Variants in ACOXL observed in about 807,000 individuals in gnomAD.
ACOXL encodes acyl-coenzyme A oxidase-like protein.
A neutral mutation model predicts 71.9 loss-of-function variants in ACOXL; 70 were observed. The ratio of observed to expected loss-of-function variants is 0.97; its 90% CI spans 0.80 to 1.19. The LOEUF (loss-of-function observed/expected upper bound fraction) is 1.19. ACOXL is among the 50% of genes most tolerant of loss of function. The pLI, the probability that ACOXL is intolerant of heterozygous loss-of-function variation, is 0.00. For missense variants in ACOXL, 703 were observed against 736.3 expected, an observed-to-expected ratio of 0.95 and a Z score of 0.52; for synonymous variants, 253 against 281.6, an observed-to-expected ratio of 0.90 and a Z score of 1.02.
intron 7 of ACOXL, among the ~76,000 whole-genome samples, chr2:110,799,779 A>T (rs192545756): frequency 4.8e-4 from 73 of 152,322 alleles, no homozygotes; most frequent in Admixed American, 1.1e-3. Flanking sequence ...GTAGCTAGCA[A>T]GGGGATTGTA....
At chr2:111,005,965 T>C (rs1165669189) in intron 14 of ACOXL, among the ~76,000 whole-genome samples, 1 of 152,150 alleles carries the variant, frequency 6.6e-6, no homozygotes, top group Non-Finnish European at 1.5e-5. Flanking sequence ...GTTTGTTACG[T>C]TTTTAAAAAC....
At chr2:111,040,584 C>T (rs560921970) in intron 15 of ACOXL, among the ~76,000 whole-genome samples, 1 of 152,260 alleles carries the variant, frequency 6.6e-6, no homozygotes, top group South Asian at 2.1e-4. Context: ...GATGAGAGCC[C>T]CCATAGACTA....
intron 11 of ACOXL, among the ~76,000 whole-genome samples, chr2:110,915,837 T>A (rs1347287907): frequency 6.6e-6 from 1 of 152,124 alleles, no homozygotes; most frequent in East Asian, 1.9e-4. Flanking sequence ...TGCTTGAAAT[T>A]TCCTTGGAAG....
intron 16 of ACOXL, among the ~76,000 whole-genome samples, chr2:111,070,792 A>G (rs1178784392): frequency 1.3e-5 from 2 of 152,008 alleles, no homozygotes; most frequent in Non-Finnish European, 2.9e-5. Context: ...GCTATGTTTC[A>G]TCTTTTCAGT....
intron 11 of ACOXL, among the ~76,000 whole-genome samples, chr2:110,923,171 G>A (rs1183744636): frequency 1.3e-5 from 2 of 152,106 alleles, no homozygotes; most frequent in African/African-American, 2.4e-5. Context: ...CACATTCTGC[G>A]ACAACGTTCT....
chr2:110,842,338 CTAT>C (rs1691276483), intron 10 of ACOXL, among the ~76,000 whole-genome samples: 2 of 152,072 alleles, frequency 1.3e-5, no homozygotes, highest in African/African-American at 4.8e-5. Context: ...TTCTGGAGAC[CTAT>C]GAAAGAAACT....
At chr2:111,015,559 A>G (rs977858842) in intron 14 of ACOXL, among the ~76,000 whole-genome samples, 7 of 152,220 alleles carry the variant, frequency 4.6e-5, no homozygotes, top group Non-Finnish European at 1.0e-4. Flanking sequence ...ACAGAGTGGC[A>G]GTTTCTTATA....
chr2:110,839,488 T>C (rs1690872393), intron 9 of ACOXL, among the ~76,000 whole-genome samples: 1 of 152,230 alleles, frequency 6.6e-6, no homozygotes, highest in Admixed American at 6.5e-5. Flanking sequence ...AATTTACTCC[T>C]AGTTGAGATA....
intron 1 of ACOXL, among the ~76,000 whole-genome samples, chr2:110,752,369 A>G (rs1679099286): frequency 6.6e-6 from 1 of 152,076 alleles, no homozygotes; most frequent in African/African-American, 2.4e-5. Flanking sequence ...TTATAGTCCC[A>G]ACTACTTGGG....
chr2:111,107,735 G>C (rs149566971), intron 17 of ACOXL, among the ~76,000 whole-genome samples: 2 of 152,204 alleles, frequency 1.3e-5, no homozygotes, highest in Non-Finnish European at 1.5e-5. Context: ...TGATCTGCCC[G>C]CCTTGGCTTC....
chr2:110,862,627 C>G (rs1359662796), intron 10 of ACOXL, among the ~76,000 whole-genome samples: 8 of 152,194 alleles, frequency 5.3e-5, no homozygotes, highest in Non-Finnish European at 1.0e-4. Flanking sequence ...TGGGCGGAAG[C>G]CCAGAGGGAT....
At chr2:111,026,288 T>A (rs1280779541) in intron 14 of ACOXL, among the ~76,000 whole-genome samples, 2 of 152,156 alleles carry the variant, frequency 1.3e-5, no homozygotes, top group African/African-American at 4.8e-5. Flanking sequence ...TGTATGGTTC[T>A]ACCATACTCA....
chr2:111,107,780 G>A (rs1424261658), intron 17 of ACOXL, among the ~76,000 whole-genome samples: 5 of 152,318 alleles, frequency 3.3e-5, no homozygotes, highest in South Asian at 4.1e-4. Flanking sequence ...GAGTCACCAC[G>A]CCCGGCCTTT....
intron 3 of ACOXL, among the ~76,000 whole-genome samples, chr2:110,793,328 A>G (rs1205500585): frequency 1.3e-5 from 2 of 152,208 alleles, no homozygotes; most frequent in African/African-American, 4.8e-5. Context: ...TGTCTTCTGC[A>G]TCAGGACCTA....
rs2070476190 is a variant in ACOXL, at chr2:111,118,022, C to G, written c.*206C>G. Reference sequence around the variant, plus strand: ...GAGATCCAGACGGTCGCCTGGTGCGCTGGATCCCTGTGCCCTTTCCCTGAA... The same window carrying G: ...GAGATCCAGACGGTCGCCTGGTGCGGTGGATCCCTGTGCCCTTTCCCTGAA... On this transcript the variant is annotated 3_prime_UTR_variant, in exon 18 of 18. Coordinates refer to ENST00000439055, the MANE Select transcript of ACOXL (RefSeq NM_001142807.4). The G allele has an allele frequency of 1.6e-6, 1 of 633,624 alleles. No homozygotes were observed. The highest frequency in any genetic ancestry group is 2.7e-6 in the Non-Finnish European group (1 of 369,194). The allele number at this position is 633,624 out of a possible 1,614,324, so 39.3% of individuals were successfully genotyped here. A position where few individuals can be genotyped will look rare whatever the true frequency, so the allele number is the denominator to read the frequency against.
intron 12 of ACOXL, among the ~76,000 whole-genome samples, chr2:110,972,649 GCACACACACACA>G (rs56400982): frequency 2.7e-5 from 4 of 149,920 alleles, no homozygotes; most frequent in Non-Finnish European, 1.5e-5. Flanking sequence ...ACACACACGT[GCACACACACACA>G]CACACACACA....
At chr2:111,093,041 G>T in intron 17 of ACOXL, 75 bp downstream of exon 17, 1 of 1,208,498 alleles carries the variant, frequency 8.3e-7, no homozygotes, top group Non-Finnish European at 1.2e-6. Context: ...AAACAGTCCT[G>T]CCAATCTTCT....
At chr2:111,058,430 A>G (rs776970837) in intron 16 of ACOXL, among the ~76,000 whole-genome samples, 23 of 152,194 alleles carry the variant, frequency 1.5e-4, no homozygotes, top group Non-Finnish European at 3.1e-4. Context: ...TTATATGGGA[A>G]GTCACGCTGG....
At chr2:110,963,574 TGTGTG>T in intron 12 of ACOXL, 1 of 990,236 alleles carries the variant, frequency 1.0e-6, no homozygotes, top group Non-Finnish European at 1.4e-6. Context: ...AATGTGTGTG[TGTGTG>T]TGTGTGTGTG....
Sources: allele counts gnomAD v4.1 joint callset (sites outside exome capture counted in the v4.1 genomes callset), GRCh38; gene constraint gnomAD v4.1.1; transcripts MANE v1.5; gene names NCBI Gene and HGNC (gene_info 2026-07-23, HGNC 2026-07-21).